Variants in B3GALT1 observed in about 807,000 individuals in gnomAD.
B3GALT1 encodes beta-1,3-galactosyltransferase 1, also known as UDP-Gal:betaGlcNAc beta 1,3-galactosyltransferase, polypeptide 1.
A neutral mutation model predicts 23.2 loss-of-function variants in B3GALT1; 10 were observed. The observed-to-expected ratio is 0.43, with a 90% CI of 0.27 to 0.73. The LOEUF (loss-of-function observed/expected upper bound fraction) is 0.73, where lower values mean the gene tolerates loss of function less well. B3GALT1 is among the 30% of genes least tolerant of loss of function. B3GALT1 has a pLI of 0.21. For missense variants in B3GALT1, 299 were observed against 405.4 expected (o/e 0.74, Z 2.25); for synonymous variants, 156 against 141.5 (o/e 1.10, Z -0.73).
At chr2:167,568,003 A>T (rs929880348) in intron 2 of B3GALT1, among the ~76,000 whole-genome samples, 4 of 152,028 alleles carry the variant, frequency 2.6e-5, no homozygotes, top group Non-Finnish European at 4.4e-5. Flanking sequence ...TTTTCAGATC[A>T]ACTGATTTTA....
At chr2:167,527,152 C>T (rs1683236438) in intron 2 of B3GALT1, among the ~76,000 whole-genome samples, 1 of 151,810 alleles carries the variant, frequency 6.6e-6, no homozygotes, top group South Asian at 2.1e-4. Context: ...TTTCTCATTT[C>T]TTGGGAGGAA....
chr2:167,393,275 G>GT (rs961331233), intron 1 of B3GALT1, among the ~76,000 whole-genome samples: 2,438 of 143,444 alleles, frequency 0.017, 42 homozygotes, highest in African/African-American at 0.043. Context: ...TTGTTGGTGA[G>GT]TTTTTTTTTT....
At chr2:167,786,737 T>C (rs1295013160) in intron 3 of B3GALT1, among the ~76,000 whole-genome samples, 1 of 152,210 alleles carries the variant, frequency 6.6e-6, no homozygotes, top group Admixed American at 6.5e-5. Flanking sequence ...TTTCAAAACC[T>C]ACTTTCTTAG....
At chr2:167,555,040 T>C (rs545741787) in intron 2 of B3GALT1, among the ~76,000 whole-genome samples, 6 of 152,304 alleles carry the variant, frequency 3.9e-5, no homozygotes, top group South Asian at 2.1e-4. Context: ...CTGAGTGATA[T>C]ACAAATCCAA....
chr2:167,369,063 G>GTC (rs1697637813), intron 1 of B3GALT1, among the ~76,000 whole-genome samples: 1 of 5,680 alleles, frequency 1.8e-4, no homozygotes, highest in African/African-American at 2.1e-4. Flanking sequence ...ACTCTTATTT[G>GTC]TGTGTGTGTG....
chr2:167,576,383 C>T (rs1684386837), intron 2 of B3GALT1, among the ~76,000 whole-genome samples: 1 of 151,730 alleles, frequency 6.6e-6, no homozygotes, highest in South Asian at 2.1e-4. Flanking sequence ...TTTAATTAAA[C>T]TGCTCTGATT....
intron 1 of B3GALT1, among the ~76,000 whole-genome samples, chr2:167,384,121 A>G (rs1267454170): frequency 1.3e-5 from 2 of 152,224 alleles, no homozygotes; most frequent in Non-Finnish European, 2.9e-5. Context: ...ATAGTAGCGA[A>G]AAACCGTGAT....
chr2:167,869,690 C>T lies in B3GALT1; in HGVS notation c.651C>T (p.Arg217=). 6.2e-7 allele frequency: 1 copy of T among 1,614,078 alleles called. No homozygotes were observed. Among genetic ancestry groups the T allele is most frequent in the South Asian group, 1.1e-5 (1 of 91,074 alleles). ...ATGGAGGACCGATTCGGGATGTCCGCAGTAAGTGGTATATGCCCAGGGATT... is the reference window on the plus strand; with the variant it reads ...ATGGAGGACCGATTCGGGATGTCCGTAGTAAGTGGTATATGCCCAGGGATT... The part of the protein sequence containing the change: ...VINGGPIRDV[R]SKWYMPRDLY... Residue 217 remains arginine, a synonymous_variant, in exon 5 of 5, where the codon CGC becomes CGT. Transcript: ENST00000392690. The surrounding 1 kb of genome is among the most constrained non-coding windows in gnomAD (Gnocchi z 6.4).
At chr2:167,591,584 C>T (rs1041877257) in intron 2 of B3GALT1, among the ~76,000 whole-genome samples, 2 of 152,168 alleles carry the variant, frequency 1.3e-5, no homozygotes, top group African/African-American at 4.8e-5. Context: ...ATCCTCCCAC[C>T]TCAGCCTTCG....
chr2:167,300,373 GTA>G, intron 1 of B3GALT1, among the ~76,000 whole-genome samples: 1 of 151,964 alleles, frequency 6.6e-6, no homozygotes, highest in Non-Finnish European at 1.5e-5. Context: ...AATACTAAAT[GTA>G]TATATATATT....
chr2:167,715,143 G>C, intron 3 of B3GALT1: 1 of 1,613,844 alleles, frequency 6.2e-7, no homozygotes, highest in Non-Finnish European at 8.5e-7. Flanking sequence ...CCTTTGGGAG[G>C]ATCATCTAAG....
intron 3 of B3GALT1, among the ~76,000 whole-genome samples, chr2:167,672,343 A>G (rs1686346526): frequency 6.6e-6 from 1 of 152,190 alleles, no homozygotes; most frequent in African/African-American, 2.4e-5. Context: ...TTCATGTACC[A>G]AGAAAGCTAG....
At chr2:167,559,526 C>G (rs1683927053) in intron 2 of B3GALT1, among the ~76,000 whole-genome samples, 1 of 152,090 alleles carries the variant, frequency 6.6e-6, no homozygotes. Context: ...GGAGGAAATT[C>G]AAACCAAAGC....
intron 3 of B3GALT1, chr2:167,714,045 C>T (rs956539114): frequency 3.2e-5 from 49 of 1,537,954 alleles, no homozygotes; most frequent in Non-Finnish European, 4.4e-5. Context: ...GAATCAGGCA[C>T]ATTTAAATGA....
At chr2:167,668,178 C>G (rs896920323) in intron 3 of B3GALT1, among the ~76,000 whole-genome samples, 1 of 151,546 alleles carries the variant, frequency 6.6e-6, no homozygotes, top group African/African-American at 2.4e-5. Flanking sequence ...ACAGCAGGAC[C>G]CTCAGCTGCA....
In B3GALT1 at chr2:167,523,644, C is replaced by T. The variant is rs910832836; in HGVS notation, c.-410+33367C>T. The stretch of plus-strand genomic sequence containing the variant: ...TTCACCACCTTGGCGAGGCTGGTCT[C>T]GAACACCTAACCTCAGGTGATATAC... On this transcript the variant is annotated intron_variant, in intron 2 of 4. Transcript: ENST00000392690. Among the ~76,000 whole-genome samples the T allele has an allele frequency of 1.6e-4, 24 of 152,216 alleles. No individual in the cohort carries two copies. In the East Asian group the frequency reaches 4.1e-3, roughly 26 times the overall value.
intron 1 of B3GALT1, among the ~76,000 whole-genome samples, chr2:167,373,987 G>A (rs1697725063): frequency 6.6e-6 from 1 of 152,120 alleles, no homozygotes; most frequent in African/African-American, 2.4e-5. Context: ...CCAACACTTA[G>A]GTTAGTTTTT....
At position 167,596,382 on chromosome 2, in the gene B3GALT1, G is replaced by T. The variant is rs149137675; in HGVS notation, c.-409-50527G>T. Among the ~76,000 whole-genome samples the T allele has an allele frequency of 7.9e-5, 12 of 152,288 alleles. No individual in the cohort carries two copies. The East Asian group carries it at 2.1e-3, about 27-fold the overall frequency. ...TGAAAAAGAGAGGCAGTGTGCTGTAGTTGAGAGAACACCCATTTCTAAGTT... is the reference window on the plus strand; with the variant it reads ...TGAAAAAGAGAGGCAGTGTGCTGTATTTGAGAGAACACCCATTTCTAAGTT... On this transcript the variant is annotated intron_variant, in intron 2 of 4. Transcript: ENST00000392690.
chr2:167,590,753 T>C (rs1274972313), intron 2 of B3GALT1, among the ~76,000 whole-genome samples: 3 of 152,118 alleles, frequency 2.0e-5, no homozygotes, highest in Non-Finnish European at 4.4e-5. Context: ...TGAAGAAATA[T>C]ATGAAAAATT....
Sources: gnomAD v4.1 joint callset for allele counts (sites outside exome capture counted in the v4.1 genomes callset) on GRCh38, gnomAD v4.1.1 for gene constraint, Gnocchi (gnomAD v3.1) non-coding constraint, MANE v1.5 for transcripts, NCBI Gene and HGNC (gene_info 2026-07-23, HGNC 2026-07-21) for gene names.